Variants in SYNJ1 observed in about 807,000 individuals in gnomAD.
The protein encoded by SYNJ1 is polyphosphatidylinositol phosphatase SYNJ1.
SYNJ1 carries 78 observed loss-of-function variants against 168.2 expected under a neutral mutation model. The observed-to-expected ratio is 0.46, with a 90% CI of 0.39 to 0.56. The LOEUF is 0.56. Among genes scored for constraint, SYNJ1 ranks in the 20% least tolerant of loss-of-function variants. The pLI, the probability that SYNJ1 is intolerant of heterozygous loss-of-function variation, is 0.00. For synonymous variants in SYNJ1, 539 were observed against 548.6 expected, an observed-to-expected ratio of 0.98 and a Z score of 0.24; for missense variants, 1,303 against 1,597.6, an observed-to-expected ratio of 0.82 and a Z score of 3.14.
At chr21:32,678,915 G>A in intron 11 of SYNJ1, 114 bp from the exon 12 acceptor site, 3 of 1,382,214 alleles carry the variant, frequency 2.2e-6, no homozygotes, top group Non-Finnish European at 2.9e-6. Flanking sequence ...TATAAAAAAG[G>A]ACCTAATCGT....
At chr21:32,672,079 A>AAAAAAG (rs1175073397) in intron 14 of SYNJ1, among the ~76,000 whole-genome samples, 39 of 117,960 alleles carry the variant, frequency 3.3e-4, no homozygotes, top group Non-Finnish European at 3.2e-4. Flanking sequence ...AAAAAAAAAA[A>AAAAAAG]AAAAAGAAAA....
At chr21:32,696,468 T>C (rs1416527414) in intron 4 of SYNJ1, among the ~76,000 whole-genome samples, 1 of 152,144 alleles carries the variant, frequency 6.6e-6, no homozygotes, top group Non-Finnish European at 1.5e-5. Flanking sequence ...CCCTCAGGGA[T>C]CTCTCCTGGA....
chr21:32,683,185 T>C (rs779001953), intron 10 of SYNJ1, among the ~76,000 whole-genome samples: 23 of 152,128 alleles, frequency 1.5e-4, no homozygotes, highest in African/African-American at 4.3e-4. Flanking sequence ...GAGAACTATG[T>C]TAAGTTCTGA....
At chr21:32,634,829 AAC>A (rs752570731) in intron 32 of SYNJ1, 30 bp downstream of exon 32, 1 of 1,612,548 alleles carries the variant, frequency 6.2e-7, no homozygotes, top group South Asian at 1.1e-5. Context: ...GACGGATGAA[AAC>A]ACATGTAAGA....
chr21:32,640,263 G>A (rs1322752197), intron 29 of SYNJ1, among the ~76,000 whole-genome samples: 1 of 151,864 alleles, frequency 6.6e-6, no homozygotes, highest in Non-Finnish European at 1.5e-5. Context: ...GAGCAACTAG[G>A]AGACTTTGGG....
At chr21:32,711,301 C>T (rs1253785200) in intron 2 of SYNJ1, among the ~76,000 whole-genome samples, 1 of 151,868 alleles carries the variant, frequency 6.6e-6, no homozygotes, top group Non-Finnish European at 1.5e-5. Context: ...TATTATTTGA[C>T]ATCCTCCACC....
chr21:32,685,586 G>C (rs544732561), intron 9 of SYNJ1, among the ~76,000 whole-genome samples, 162 bp downstream of exon 9: 24 of 151,894 alleles, frequency 1.6e-4, no homozygotes, highest in Non-Finnish European at 3.1e-4. Flanking sequence ...GCAACAAAGT[G>C]AGGCCCTATT....
At chr21:32,716,050 C>T (rs1344042491) in intron 2 of SYNJ1, among the ~76,000 whole-genome samples, 3 of 152,166 alleles carry the variant, frequency 2.0e-5, no homozygotes, top group Non-Finnish European at 2.9e-5. Context: ...TATTTATAAA[C>T]TCTATTTAAG....
In SYNJ1 at chr21:32,646,614, C is replaced by T. The variant is rs757019361; in HGVS notation, c.3038-12G>A. 1 of 1,605,420 alleles carries T rather than the reference C, an allele frequency of 6.2e-7. No individual in the cohort carries two copies. The highest frequency in any genetic ancestry group is 8.5e-7 in the Non-Finnish European group (1 of 1,172,310). On this transcript the variant is annotated splice_polypyrimidine_tract_variant and intron_variant, in intron 23 of 32. Coordinates refer to ENST00000674351, the MANE Select transcript of SYNJ1 (RefSeq NM_203446.3). The stretch of plus-strand genomic sequence containing the variant: ...GTCATCAACATCACCTAAGGAAAAG[C>T]AGGCTTGATCAGAGATAACTCCATT...
intron 10 of SYNJ1, among the ~76,000 whole-genome samples, chr21:32,683,420 T>C (rs928857594): frequency 6.6e-6 from 1 of 152,080 alleles, no homozygotes; most frequent in African/African-American, 2.4e-5. Flanking sequence ...TCTCACTAAC[T>C]ATGGCATTTT....
intron 4 of SYNJ1, among the ~76,000 whole-genome samples, chr21:32,695,823 G>A (rs1022967240): frequency 9.3e-5 from 14 of 150,362 alleles, no homozygotes; most frequent in African/African-American, 2.9e-4. Flanking sequence ...CCACCAAGCC[G>A]GGCTAATTTT....
rs2042162379 is a variant in SYNJ1, at chr21:32,695,295, G to T, written c.480-13C>A. 3.1e-6 allele frequency: 5 copies of T among 1,609,842 alleles called. No individual in the cohort carries two copies. Among genetic ancestry groups the T allele is most frequent in the South Asian group, 1.1e-5 (1 of 90,562 alleles). On this transcript the variant is annotated splice_polypyrimidine_tract_variant and intron_variant, in intron 4 of 32. Coordinates refer to ENST00000674351, the MANE Select transcript of SYNJ1 (RefSeq NM_203446.3). ...CAAAGACTGATTCCTAATAGGAAAA[G>T]AAATAAATGATTAGCTTATGGAATA...
At chr21:32,715,943 G>A (rs1370124429) in intron 2 of SYNJ1, among the ~76,000 whole-genome samples, 1 of 152,052 alleles carries the variant, frequency 6.6e-6, no homozygotes, top group African/African-American at 2.4e-5. Flanking sequence ...TTCTCCAAGT[G>A]CCAAATCATT....
chr21:32,689,657 T>G (rs756448870), intron 6 of SYNJ1, among the ~76,000 whole-genome samples: 1 of 152,200 alleles, frequency 6.6e-6, no homozygotes, highest in African/African-American at 2.4e-5. Flanking sequence ...ATTGGACAAG[T>G]AAAACCAGAA....
chr21:32,668,223 G>A (rs1373125070), intron 15 of SYNJ1, among the ~76,000 whole-genome samples: 4 of 152,052 alleles, frequency 2.6e-5, no homozygotes, highest in East Asian at 3.9e-4. Flanking sequence ...GGGGCACCAC[G>A]TCCAGCTGAT....
chr21:32,705,905 T>C lies in SYNJ1; in HGVS notation c.125-3858A>G, dbSNP rs533325829. Among the ~76,000 whole-genome samples the C allele has an allele frequency of 3.3e-5, 5 of 152,236 alleles. No homozygotes were observed. In the South Asian group the frequency reaches 1.0e-3, roughly 32 times the overall value. On this transcript the variant is annotated intron_variant, in intron 2 of 32. Coordinates refer to ENST00000674351, the MANE Select transcript of SYNJ1 (RefSeq NM_203446.3). Reference sequence around the variant, plus strand: ...AGGAGGCTGTGGCGGGAAGGTTGATTGAGCCTGGGAAGTCAAGGCTGCAGT... The same window carrying C: ...AGGAGGCTGTGGCGGGAAGGTTGATCGAGCCTGGGAAGTCAAGGCTGCAGT...
chr21:32,642,797 G>A (rs2039901277), intron 27 of SYNJ1, among the ~76,000 whole-genome samples: 2 of 152,316 alleles, frequency 1.3e-5, no homozygotes, highest in South Asian at 2.1e-4. Flanking sequence ...GCCAAAAGGA[G>A]TAGGAGTGAC....
intron 30 of SYNJ1, 144 bp downstream of exon 30, chr21:32,639,527 G>C: frequency 1.5e-6 from 1 of 652,036 alleles, no homozygotes; most frequent in Non-Finnish European, 2.6e-6. Context: ...GAGTAGCTGG[G>C]ACCACAGGCA....
intron 2 of SYNJ1, among the ~76,000 whole-genome samples, chr21:32,712,351 A>T (rs893733738): frequency 5.3e-5 from 8 of 152,204 alleles, no homozygotes; most frequent in African/African-American, 1.4e-4. Context: ...AAGAGTAGAG[A>T]TTAGATCATT....
Sources: allele counts gnomAD v4.1 joint callset (sites outside exome capture counted in the v4.1 genomes callset), GRCh38; gene constraint gnomAD v4.1.1; transcripts MANE v1.5; gene names NCBI Gene and HGNC (gene_info 2026-07-23, HGNC 2026-07-21).